The following FGFRL1 variants were observed in gnomAD, a reference collection of about 807,000 sequenced individuals.
The protein encoded by FGFRL1 is fibroblast growth factor receptor like 1.
Under a neutral mutation model 36.8 loss-of-function variants are expected in FGFRL1, and 24 were observed. That is an observed-to-expected ratio of 0.65 (90% confidence interval 0.47 to 0.92). The LOEUF (loss-of-function observed/expected upper bound fraction) is 0.92. Ranked by LOEUF, FGFRL1 falls within the 40% of genes least tolerant of loss-of-function variation. The pLI, the probability that FGFRL1 is intolerant of heterozygous loss-of-function variation, is 0.00. For synonymous variants in FGFRL1, 422 were observed against 344.1 expected (o/e 1.23, Z -2.50); for missense variants, 785 against 753.4 (o/e 1.04, Z -0.49).
upstream of FGFRL1, among the ~76,000 whole-genome samples, chr4:1,010,513 C>T (rs540106363): frequency 3.9e-5 from 6 of 152,392 alleles, no homozygotes; most frequent in East Asian, 7.7e-4. Context: ...GCTGCCAGGC[C>T]TCTCCAGTTT....
intron 2 of FGFRL1, among the ~76,000 whole-genome samples, chr4:1,016,239 T>C (rs1233644411): frequency 6.6e-6 from 1 of 151,916 alleles, no homozygotes; most frequent in Non-Finnish European, 1.5e-5. Flanking sequence ...ATGTTCTTGT[T>C]GATGCTTCTG....
chr4:1,012,333 G>A (rs1715634251), intron 1 of FGFRL1, 137 bp from the exon 2 acceptor site: 3 of 914,230 alleles, frequency 3.3e-6, no homozygotes, highest in South Asian at 3.4e-5. Flanking sequence ...TCCCCGCTGC[G>A]GCTTCCTCCG....
In FGFRL1 at chr4:1,023,482, C is replaced by G. The variant is rs763677468; in HGVS notation, c.353-159C>G. 7.2e-5 allele frequency among the ~76,000 whole-genome samples: 11 copies of G among 152,180 alleles called. No individual in the cohort carries two copies. Among genetic ancestry groups the G allele is most frequent in the Non-Finnish European group, 1.5e-4 (10 of 68,018 alleles). ...GGCCAGCGGCCCTTGCCCAGCTGTC[C>G]CTGGGATTCTGGGCTGTGGGTGTGT... is the stretch of plus-strand genomic sequence containing the variant. On this transcript the variant is annotated intron_variant, in intron 3 of 6. Transcript: ENST00000510644. The surrounding 1 kb of genome is among the most constrained non-coding windows in gnomAD (Gnocchi z 6.0).
At chr4:1,011,465 G>A (rs1200968966), upstream of FGFRL1, among the ~76,000 whole-genome samples, 2 of 146,544 alleles carry the variant, frequency 1.4e-5, no homozygotes, top group Middle Eastern at 3.5e-3. Context: ...GCACCGCGAG[G>A]GTTAAGGCCG....
At chr4:1,019,355 C>T (rs956134839) in intron 2 of FGFRL1, among the ~76,000 whole-genome samples, 2 of 152,232 alleles carry the variant, frequency 1.3e-5, no homozygotes, top group African/African-American at 4.8e-5. Context: ...CATGAACATG[C>T]ACGTGTGAGG....
At chr4:1,021,700 T>G (rs980063850) in intron 2 of FGFRL1, among the ~76,000 whole-genome samples, 1 of 151,930 alleles carries the variant, frequency 6.6e-6, no homozygotes, top group Non-Finnish European at 1.5e-5. Context: ...GGGCTGATGG[T>G]TGGGTGGGAA....
upstream of FGFRL1, chr4:1,011,075 T>G (rs79664023): frequency 0.12 from 18,852 of 152,058 alleles, 1,253 homozygotes; most frequent in Middle Eastern, 0.21. Flanking sequence ...GAGGCCCTGC[T>G]TCTCCCTTCT....
intron 2 of FGFRL1, among the ~76,000 whole-genome samples, chr4:1,015,360 C>T (rs1041079730): frequency 2.0e-5 from 3 of 152,230 alleles, no homozygotes; most frequent in Non-Finnish European, 4.4e-5. Context: ...TCCCTGGCGG[C>T]CATCCCTGGA....
intron 2 of FGFRL1, among the ~76,000 whole-genome samples, chr4:1,021,982 G>T (rs974490351): frequency 2.0e-5 from 3 of 152,214 alleles, no homozygotes; most frequent in Admixed American, 6.5e-5. Context: ...GGCTGCTGAC[G>T]TGGTGTTTGC....
chr4:1,013,227 G>A (rs1417457679), intron 2 of FGFRL1, among the ~76,000 whole-genome samples: 1 of 152,268 alleles, frequency 6.6e-6, no homozygotes, highest in Non-Finnish European at 1.5e-5. Context: ...CATGCCCTGG[G>A]ACCCAGCCCC....
At position 1,023,238 on chromosome 4, in the gene FGFRL1, C is replaced by A. The variant is rs1021362357; in HGVS notation, c.353-403C>A. 6.6e-6 allele frequency among the ~76,000 whole-genome samples: 1 copy of A among 152,102 alleles called. No individual in the cohort carries two copies. Among genetic ancestry groups the A allele is most frequent in the Non-Finnish European group, 1.5e-5 (1 of 67,992 alleles). On this transcript the variant is annotated intron_variant, in intron 3 of 6. Coordinates refer to ENST00000510644, the MANE Select transcript of FGFRL1 (RefSeq NM_001004356.3). This position sits in a 1 kb window ranked among gnomAD's most constrained non-coding sequence, Gnocchi z 6.0. The stretch of plus-strand genomic sequence containing the variant: ...AATGGGAAAACTGGCTGTCCCCCAC[C>A]CCCACCCCACAGTCCTTTCAAAGGG...
At position 1,025,567 on chromosome 4, in the gene FGFRL1, C is replaced by T. The variant is rs1036092837; in HGVS notation, c.*220C>T. ...ACACACATGCGCGCACACGTGCTCCCTGAAGGCACACGTACGCACACACGC... is the reference window on the plus strand; with the variant it reads ...ACACACATGCGCGCACACGTGCTCCTTGAAGGCACACGTACGCACACACGC... On this transcript the variant is annotated 3_prime_UTR_variant, in exon 7 of 7. Transcript: ENST00000510644. The T allele has an allele frequency of 1.6e-6, 1 of 631,134 alleles. No homozygotes were observed. The highest frequency in any genetic ancestry group is 2.8e-5 in the East Asian group (1 of 35,632). 39.1% of individuals were successfully genotyped at this position (631,134 alleles called of 1,614,324 possible).
intron 2 of FGFRL1, among the ~76,000 whole-genome samples, chr4:1,019,847 T>A (rs1159265740): frequency 6.6e-6 from 1 of 152,154 alleles, no homozygotes; most frequent in Admixed American, 6.5e-5. Flanking sequence ...GGCCAAGGAC[T>A]GGGATGGGCC....
At chr4:1,017,769 C>A (rs1168344083) in intron 2 of FGFRL1, among the ~76,000 whole-genome samples, 2 of 152,186 alleles carry the variant, frequency 1.3e-5, no homozygotes, top group Admixed American at 1.3e-4. Context: ...TCTGGGGAAG[C>A]ACCCCCTCCT....
chr4:1,012,428 C>G, intron 1 of FGFRL1, 42 bp from the exon 2 acceptor site: 15 of 1,571,534 alleles, frequency 9.5e-6, no homozygotes, highest in East Asian at 5.1e-5. Flanking sequence ...GGCGGTATCT[C>G]CCAGTTCCAC....
In FGFRL1 at chr4:1,024,333, G is replaced by C. The variant is rs1716377396; in HGVS notation, c.741G>C (p.Val247=). Residue 247 remains valine, a synonymous_variant, in exon 6 of 7, where the codon GTG becomes GTC. Transcript: ENST00000510644. ...CAGAGCGGACCCGTTCCAAGCCCGT[G>C]CTCACAGGCACGCACCCCGTGAACA... The part of the protein sequence containing the change: ...DVIQRTRSKP[V]LTGTHPVNTT... The C allele has an allele frequency of 6.2e-7, 1 of 1,606,874 alleles. No homozygotes were observed. The highest frequency in any genetic ancestry group is 1.3e-5 in the African/African-American group (1 of 74,942).
Position 1,025,230 on chromosome 4 carries a change from T to A in FGFRL1, c.1398T>A (p.Ala466=). The stretch of plus-strand genomic sequence containing the variant: ...ACTTACTGGGCCCAGGCCCAGTTGC[T>A]GGCCCTAAGTTGTACCCCAAACTCT... ...PQHLLGPGPV[A]GPKLYPKLYT... Residue 466 remains alanine (A), a synonymous_variant, in exon 7 of 7, where the codon GCT becomes GCA. Coordinates refer to ENST00000510644, the MANE Select transcript of FGFRL1 (RefSeq NM_001004356.3). The A allele has an allele frequency of 6.2e-7, 1 of 1,609,270 alleles. No homozygotes were observed. Among genetic ancestry groups the A allele is most frequent in the Admixed American group, 1.7e-5 (1 of 59,540 alleles).
At position 1,025,606 on chromosome 4, in the gene FGFRL1, T is replaced by C. The variant is rs1419924366; in HGVS notation, c.*259T>C. On this transcript the variant is annotated 3_prime_UTR_variant, in exon 7 of 7. Coordinates refer to ENST00000510644, the MANE Select transcript of FGFRL1 (RefSeq NM_001004356.3). ...ACGCACACACGCACATGCACAGATATGCCGCCTGGGCACACAGATAAGCTG... is the reference window on the plus strand; with the variant it reads ...ACGCACACACGCACATGCACAGATACGCCGCCTGGGCACACAGATAAGCTG... 3 of 552,818 alleles carry C rather than the reference T, an allele frequency of 5.4e-6. No individual in the cohort carries two copies. Among genetic ancestry groups the C allele is most frequent in the Non-Finnish European group, 9.6e-6 (3 of 313,982 alleles). The allele number at this position is 552,818 out of a possible 1,614,324, so 34.2% of individuals were successfully genotyped here.
rs372119720 is a variant in FGFRL1 at position 1,024,440 on chromosome 4, G to A, written c.848G>A (p.Arg283His). The A allele has an allele frequency of 1.8e-5, 29 of 1,612,574 alleles. 1 individual carries two copies. Among genetic ancestry groups the A allele is most frequent in the South Asian group, 1.1e-4 (10 of 91,080 alleles). ...AAGCCGGTGATCCAGTGGCTGAAGC[G>A]CGTGGAGTACGGCGCCGAGGGCCGC... ...DVKPVIQWLK[R>H]VEYGAEGRHN... is the part of the protein sequence containing the mutation. The change falls in exon 6 of 7, where the codon CGC becomes CAC. Residue 283 changes from arginine (R) to histidine (H), a missense_variant. By Grantham distance (29) the Arg-to-His change is conservative. Transcript: ENST00000510644.
Sources: gnomAD v4.1 joint callset for allele counts (sites outside exome capture counted in the v4.1 genomes callset) on GRCh38, gnomAD v4.1.1 for gene constraint, Gnocchi (gnomAD v3.1) non-coding constraint, MANE v1.5 for transcripts, NCBI Gene and HGNC (gene_info 2026-07-23, HGNC 2026-07-21) for gene names.